Variants in ANXA2 observed in about 807,000 individuals in gnomAD.
The protein encoded by ANXA2 is annexin A2, also known as annexin II.
Under a neutral mutation model 47.3 loss-of-function variants are expected in ANXA2, and 28 were observed. The ratio of observed to expected loss-of-function variants is 0.59; its 90% CI spans 0.44 to 0.81. The LOEUF (loss-of-function observed/expected upper bound fraction) is 0.81, where lower values mean the gene tolerates loss of function less well. ANXA2 is among the 40% of genes least tolerant of loss of function. ANXA2 has a pLI of 0.00. For missense variants in ANXA2, 384 were observed against 414.3 expected, an observed-to-expected ratio of 0.93 and a Z score of 0.64; for synonymous variants, 172 against 155.5, an observed-to-expected ratio of 1.11 and a Z score of -0.79.
intron 8 of ANXA2, among the ~76,000 whole-genome samples, chr15:60,353,422 G>A (rs1222016098): frequency 6.6e-6 from 1 of 152,154 alleles, no homozygotes; most frequent in Non-Finnish European, 1.5e-5. Flanking sequence ...CCACCTGCCT[G>A]CCTGATTGGT....
At chr15:60,361,966 T>C (rs1157045282) in intron 4 of ANXA2, among the ~76,000 whole-genome samples, 1 of 152,010 alleles carries the variant, frequency 6.6e-6, no homozygotes. Context: ...ACCTGTGGCA[T>C]CTACAAAGCT....
intron 3 of ANXA2, among the ~76,000 whole-genome samples, chr15:60,380,968 G>C (rs2062850532): frequency 6.6e-6 from 1 of 151,976 alleles, no homozygotes; most frequent in South Asian, 2.1e-4. Context: ...CTCACATCTT[G>C]TTAGAACCAT....
Position 60,352,401 on chromosome 15 carries a change from C to T in ANXA2, c.664G>A (p.Val222Met), listed in dbSNP as rs374077954. The T allele has an allele frequency of 2.2e-5, 35 of 1,613,432 alleles. No homozygotes were observed. Among genetic ancestry groups the T allele is most frequent in the East Asian group, 2.0e-4 (9 of 44,874 alleles). The change falls in exon 9 of 13, where the codon GTG (valine) becomes ATG (methionine). Residue 222 changes from valine to methionine, a missense_variant. Coordinates refer to ENST00000451270, the MANE Select transcript of ANXA2 (RefSeq NM_004039.3). The surrounding 1 kb of genome is among the most constrained non-coding windows in gnomAD (Gnocchi z 4.2). The part of the protein sequence containing the change: ...KWISIMTERS[V>M]PHLQKVFDRY... ...TGCCCACCTTTCTGGAGGTGGGGCA[C>T]GCTCCGCTCGGTCATGATGCTGATC... is the stretch of plus-strand genomic sequence containing the variant.
chr15:60,351,858 C>A (rs1243100050), intron 9 of ANXA2, 39 bp from the exon 10 acceptor site: 2 of 1,393,104 alleles, frequency 1.4e-6, no homozygotes, highest in Non-Finnish European at 2.0e-6. Context: ...ATCCGAGCCA[C>A]TAGTCAAAGC....
intron 9 of ANXA2, 130 bp from the exon 10 acceptor site, chr15:60,351,949 A>G: frequency 1.5e-6 from 1 of 688,146 alleles, no homozygotes; most frequent in Admixed American, 2.7e-5. Context: ...AGGAGCTTAG[A>G]GGTTACCACG....
chr15:60,351,409 T>G, intron 10 of ANXA2, 158 bp from the exon 11 acceptor site: 1 of 723,264 alleles, frequency 1.4e-6, no homozygotes, highest in Non-Finnish European at 2.3e-6. Context: ...CTAGAAATCC[T>G]CTGCAATACT....
At chr15:60,389,613 C>G (rs1389373838) in intron 1 of ANXA2, among the ~76,000 whole-genome samples, 1 of 152,216 alleles carries the variant, frequency 6.6e-6, no homozygotes, top group Non-Finnish European at 1.5e-5. Context: ...AACTGTGCTG[C>G]TCTTTCATCA....
chr15:60,377,387 A>T (rs1417468698), intron 3 of ANXA2, among the ~76,000 whole-genome samples: 1 of 152,238 alleles, frequency 6.6e-6, no homozygotes, highest in Non-Finnish European at 1.5e-5. Flanking sequence ...TTTGCAAAAT[A>T]CAGAAATACA....
At chr15:60,389,999 A>C (rs148486248) in intron 1 of ANXA2, among the ~76,000 whole-genome samples, 1 of 152,352 alleles carries the variant, frequency 6.6e-6, no homozygotes, top group East Asian at 1.9e-4. Flanking sequence ...CATAGGTACA[A>C]TTCAAAGCAG....
At chr15:60,392,383 A>G (rs1371130634) in intron 1 of ANXA2, among the ~76,000 whole-genome samples, 1 of 140,410 alleles carries the variant, frequency 7.1e-6, no homozygotes, top group African/African-American at 2.6e-5. Flanking sequence ...TACCAACCTA[A>G]TAATTTAAGG....
intron 1 of ANXA2, chr15:60,394,633 A>T (rs1433670392): frequency 6.6e-6 from 1 of 152,048 alleles, no homozygotes; most frequent in Non-Finnish European, 1.5e-5. Flanking sequence ...TGGGAGGCGG[A>T]GGCTACAGTG....
intron 9 of ANXA2, among the ~76,000 whole-genome samples, 157 bp from the exon 10 acceptor site, chr15:60,351,976 T>C (rs531919150): frequency 8.5e-5 from 13 of 152,258 alleles, no homozygotes; most frequent in African/African-American, 3.1e-4. Context: ...AGAGCCAACA[T>C]TGGCCAAGTT....
intron 1 of ANXA2, chr15:60,393,294 T>C: frequency 4.9e-6 from 5 of 1,014,468 alleles, no homozygotes; most frequent in Non-Finnish European, 4.7e-6. Flanking sequence ...GATCTGGGGT[T>C]GGAGTGGGTG....
intron 3 of ANXA2, among the ~76,000 whole-genome samples, chr15:60,371,923 G>GGGC (rs1238321544): frequency 1.3e-5 from 2 of 152,132 alleles, no homozygotes; most frequent in Non-Finnish European, 2.9e-5. Context: ...AGGCCAAGGT[G>GGGC]GGCGGACCAC....
intron 12 of ANXA2, among the ~76,000 whole-genome samples, chr15:60,348,745 C>CAA (rs35692360): frequency 1.2e-3 from 141 of 119,770 alleles, no homozygotes; most frequent in African/African-American, 1.5e-3. Flanking sequence ...GACTCCGTCT[C>CAA]AAAAAAAAAA....
chr15:60,364,667 T>C (rs1226101213), intron 3 of ANXA2, 144 bp from the exon 4 acceptor site: 4 of 599,178 alleles, frequency 6.7e-6, no homozygotes, highest in Admixed American at 3.6e-5. Flanking sequence ...ATTTGTTCTA[T>C]CTCTTTCGTC....
intron 1 of ANXA2, among the ~76,000 whole-genome samples, chr15:60,389,775 T>A (rs2062982742): frequency 6.6e-6 from 1 of 152,184 alleles, no homozygotes; most frequent in Non-Finnish European, 1.5e-5. Context: ...CTCTGTTTAC[T>A]CCTCAGCTAC....
At chr15:60,370,477 C>T (rs554184554) in intron 3 of ANXA2, among the ~76,000 whole-genome samples, 18 of 152,208 alleles carry the variant, frequency 1.2e-4, no homozygotes, top group Non-Finnish European at 2.2e-4. Flanking sequence ...ACCATCTTAT[C>T]TTTAGAACAC....
At chr15:60,373,526 G>T (rs115501276) in intron 3 of ANXA2, among the ~76,000 whole-genome samples, 2,881 of 152,200 alleles carry the variant, frequency 0.019, 96 homozygotes, top group African/African-American at 0.066. Flanking sequence ...TGCCCCTCTG[G>T]GTCATCCAGC....
Sources: gnomAD v4.1 joint callset for allele counts (sites outside exome capture counted in the v4.1 genomes callset) on GRCh38, gnomAD v4.1.1 for gene constraint, Gnocchi (gnomAD v3.1) non-coding constraint, MANE v1.5 for transcripts, NCBI Gene and HGNC (gene_info 2026-07-23, HGNC 2026-07-21) for gene names.